The following ARHGEF12 variants were observed in gnomAD, a reference collection of about 807,000 sequenced individuals.
The protein encoded by ARHGEF12 is Rho guanine nucleotide exchange factor 12.
Under a neutral mutation model 211.2 loss-of-function variants are expected in ARHGEF12, and 66 were observed. The ratio of observed to expected loss-of-function variants is 0.31; its 90% CI spans 0.26 to 0.38. The LOEUF is 0.38. Ranked by LOEUF, ARHGEF12 falls within the 10% of genes least tolerant of loss-of-function variation. ARHGEF12 has a pLI of 1.00. For synonymous variants in ARHGEF12, 592 were observed against 638.4 expected (o/e 0.93, Z 1.09); for missense variants, 1,429 against 1,869.5 (o/e 0.76, Z 4.34).
intron 1 of ARHGEF12, among the ~76,000 whole-genome samples, chr11:120,357,019 T>G (rs904689310): frequency 2.9e-4 from 44 of 152,246 alleles, no homozygotes; most frequent in African/African-American, 1.0e-3. Context: ...GCACTGTTTT[T>G]TTTTTTGTTT....
chr11:120,356,292 C>T (rs1366787664), intron 1 of ARHGEF12, among the ~76,000 whole-genome samples: 1 of 152,230 alleles, frequency 6.6e-6, no homozygotes, highest in African/African-American at 2.4e-5. Flanking sequence ...ATGATCTTGG[C>T]TCACTGCAAT....
Position 120,375,061 on chromosome 11 carries a change from A to G in ARHGEF12, c.33-31057A>G, listed in dbSNP as rs183481058. On this transcript the variant is annotated intron_variant, in intron 1 of 40. Transcript: ENST00000397843. ...AAAGAATGGGTAGATGAATGGTCCA[A>G]AGAGCTAAGAGAGAAGACTTAATTT... Among the ~76,000 whole-genome samples the G allele has an allele frequency of 7.2e-5, 11 of 152,310 alleles. No homozygotes were observed. The East Asian group carries it at 1.7e-3, about 24-fold the overall frequency.
chr11:120,364,459 G>T (rs978082058), intron 1 of ARHGEF12, among the ~76,000 whole-genome samples: 3 of 152,082 alleles, frequency 2.0e-5, no homozygotes, highest in African/African-American at 7.2e-5. Flanking sequence ...GCCAATTTTG[G>T]TATATATCTC....
At chr11:120,405,679 A>G (rs1490112313) in intron 1 of ARHGEF12, among the ~76,000 whole-genome samples, 3 of 152,190 alleles carry the variant, frequency 2.0e-5, no homozygotes, top group African/African-American at 7.2e-5. Context: ...CTAGGAAAAC[A>G]GTGAGAATAA....
At position 120,399,389 on chromosome 11, in the gene ARHGEF12, G is replaced by A. The variant is rs77552060; in HGVS notation, c.33-6729G>A. On this transcript the variant is annotated intron_variant, in intron 1 of 40. Coordinates refer to ENST00000397843, the MANE Select transcript of ARHGEF12 (RefSeq NM_015313.3). The stretch of plus-strand genomic sequence containing the variant: ...AAATAGATCTATGTCTAGTTAATTC[G>A]AGGAGATGGTACACATTTTTAGAGC... Among the ~76,000 whole-genome samples the A allele has an allele frequency of 8.6e-3, 1,226 of 142,212 alleles. 86 individuals carry two copies. The South Asian group carries it at 0.17, about 20-fold the overall frequency. The allele number at this position is 142,212 out of a possible 152,430, so 93.3% of individuals were successfully genotyped here.
intron 1 of ARHGEF12, among the ~76,000 whole-genome samples, chr11:120,379,746 T>A (rs1049584038): frequency 2.0e-5 from 3 of 152,106 alleles, no homozygotes; most frequent in Non-Finnish European, 4.4e-5. Flanking sequence ...TACATTGATT[T>A]TTGAGTGTTA....
chr11:120,488,899 AGCTCTTT>A lies in ARHGEF12; in HGVS notation c.*3823_*3829del. Reference sequence around the variant, plus strand: ...TTATCCAGATGTACCTTTGTAAAATAGCTCTTTTATGAATTAGCTGATAAGGCTGTAT... The same window carrying A: ...TTATCCAGATGTACCTTTGTAAAATATATGAATTAGCTGATAAGGCTGTAT... On this transcript the variant is annotated 3_prime_UTR_variant, in exon 41 of 41. Transcript: ENST00000397843. 4.6e-6 allele frequency: 1 copy of A among 216,286 alleles called. No individual in the cohort carries two copies. 13.4% of individuals were successfully genotyped at this position (216,286 alleles called of 1,614,324 possible).
At chr11:120,477,145 TG>T in intron 34 of ARHGEF12, 73 bp from the exon 35 acceptor site, 1 of 1,201,078 alleles carries the variant, frequency 8.3e-7, no homozygotes, top group Non-Finnish European at 1.2e-6. Flanking sequence ...TGTTTAGTTT[TG>T]CTTTCTGAGT....
At chr11:120,351,631 C>T (rs534313789) in intron 1 of ARHGEF12, among the ~76,000 whole-genome samples, 5 of 150,778 alleles carry the variant, frequency 3.3e-5, no homozygotes, top group African/African-American at 9.7e-5. Context: ...CCACCACGCC[C>T]GTCTAATTTT....
intron 32 of ARHGEF12, 60 bp downstream of exon 32, chr11:120,474,695 G>C: frequency 1.5e-6 from 2 of 1,341,788 alleles, no homozygotes; most frequent in Non-Finnish European, 1.0e-6. Context: ...GAATAGGAAA[G>C]TTTCCTATGA....
At chr11:120,448,641 C>A (rs139658765) in intron 20 of ARHGEF12, 3 of 384,060 alleles carry the variant, frequency 7.8e-6, no homozygotes, top group South Asian at 4.4e-5. Flanking sequence ...CTAAATACCC[C>A]CTGTGTTGCT....
chr11:120,468,727 A>G (rs1016996003), intron 29 of ARHGEF12, among the ~76,000 whole-genome samples: 3 of 152,226 alleles, frequency 2.0e-5, no homozygotes, highest in Admixed American at 6.5e-5. Context: ...CTAGGATTAC[A>G]GGCATGAGCC....
chr11:120,369,589 G>A (rs1300560558), intron 1 of ARHGEF12, among the ~76,000 whole-genome samples: 7 of 152,090 alleles, frequency 4.6e-5, no homozygotes, highest in Non-Finnish European at 8.8e-5. Context: ...GATACTAATC[G>A]GAGTAATGCA....
rs184984321 is a variant in ARHGEF12, at chr11:120,423,876, T to C, written c.349-482T>C. On this transcript the variant is annotated intron_variant, in intron 6 of 40. Coordinates refer to ENST00000397843, the MANE Select transcript of ARHGEF12 (RefSeq NM_015313.3). ...GGTTTAATTCAGAATCGGGATAACA[T>C]TTTCTACATTTAGCCGGTCTGAAAA... Among the ~76,000 whole-genome samples, 11 of 152,328 alleles carry C rather than the reference T, an allele frequency of 7.2e-5. No individual in the cohort carries two copies. The East Asian group carries it at 2.1e-3, about 29-fold the overall frequency.
chr11:120,433,671 G>T (rs1354297061), intron 11 of ARHGEF12, among the ~76,000 whole-genome samples: 3 of 152,282 alleles, frequency 2.0e-5, no homozygotes, highest in African/African-American at 7.2e-5. Context: ...AGAGTGAATT[G>T]TTGGCTGGGC....
At chr11:120,339,062 A>G (rs781643608) in intron 1 of ARHGEF12, among the ~76,000 whole-genome samples, 3 of 147,600 alleles carry the variant, frequency 2.0e-5, no homozygotes, top group Non-Finnish European at 3.0e-5. Flanking sequence ...TACAAAATGA[A>G]TATTGTAAGA....
intron 1 of ARHGEF12, among the ~76,000 whole-genome samples, chr11:120,349,109 G>A (rs1942856391): frequency 6.6e-6 from 1 of 152,120 alleles, no homozygotes; most frequent in African/African-American, 2.4e-5. Context: ...CACAATTTGG[G>A]GGAATGTTTG....
chr11:120,395,416 A>G (rs936057005), intron 1 of ARHGEF12, among the ~76,000 whole-genome samples: 2 of 151,220 alleles, frequency 1.3e-5, no homozygotes, highest in Non-Finnish European at 2.9e-5. Flanking sequence ...TGATGGAATT[A>G]GATTAGAATT....
At chr11:120,414,131 AT>A (rs1482375392) in intron 4 of ARHGEF12, among the ~76,000 whole-genome samples, 1 of 152,198 alleles carries the variant, frequency 6.6e-6, no homozygotes, top group African/African-American at 2.4e-5. Context: ...TGATAAGGAA[AT>A]AAAAGAAATG....
Sources: gnomAD v4.1 joint callset for allele counts (sites outside exome capture counted in the v4.1 genomes callset) on GRCh38, gnomAD v4.1.1 for gene constraint, MANE v1.5 for transcripts, NCBI Gene and HGNC (gene_info 2026-07-23, HGNC 2026-07-21) for gene names.